VWA8: variants seen among roughly 807,000 people sequenced by gnomAD.
The protein encoded by VWA8 is von Willebrand factor A domain containing 8.
VWA8 carries 221 observed loss-of-function variants against 241.5 expected under a neutral mutation model. The ratio of observed to expected loss-of-function variants is 0.91; its 90% CI spans 0.82 to 1.02. The LOEUF is 1.02. Ranked by LOEUF, VWA8 falls within the 50% of genes least tolerant of loss-of-function variation. The pLI, the probability that VWA8 is intolerant of heterozygous loss-of-function variation, is 0.00. For missense variants in VWA8, 2,322 were observed against 2,328.7 expected (o/e 1.00, Z 0.06); for synonymous variants, 852 against 827.1 (o/e 1.03, Z -0.52).
Position 41,777,968 on chromosome 13 carries a change from T to C in VWA8, c.2349+17A>G. On this transcript the variant is annotated intron_variant, in intron 20 of 44. Coordinates refer to ENST00000379310, the MANE Select transcript of VWA8 (RefSeq NM_015058.2). The stretch of plus-strand genomic sequence containing the variant: ...TATCATTTTTTCATTGGTACCTAGA[T>C]TTTAGCCATAACTCACCTGGTTGCC... 6.3e-7 allele frequency: 1 copy of C among 1,595,034 alleles called. No homozygotes were observed. The highest frequency in any genetic ancestry group is 8.5e-7 in the Non-Finnish European group (1 of 1,171,982).
chr13:41,715,043 C>CTG (rs2045339754), intron 26 of VWA8, among the ~76,000 whole-genome samples: 1 of 151,900 alleles, frequency 6.6e-6, no homozygotes. Context: ...AGCTGTACCC[C>CTG]TGCTTTCTAA....
intron 12 of VWA8, among the ~76,000 whole-genome samples, chr13:41,858,591 G>A (rs1210173801): frequency 6.6e-6 from 1 of 151,788 alleles, no homozygotes; most frequent in Admixed American, 6.6e-5. Flanking sequence ...GGGCAACAGA[G>A]TGAGAGTGAG....
chr13:41,884,021 G>A (rs1444703381), intron 8 of VWA8, among the ~76,000 whole-genome samples: 2 of 152,134 alleles, frequency 1.3e-5, no homozygotes, highest in Non-Finnish European at 2.9e-5. Context: ...AAAGTCTGTT[G>A]ACAAGAAAGA....
chr13:41,596,916 G>A (rs577303526), intron 40 of VWA8, among the ~76,000 whole-genome samples: 1 of 151,702 alleles, frequency 6.6e-6, no homozygotes, highest in East Asian at 1.9e-4. Flanking sequence ...TATGATTTCA[G>A]CACTGAAATC....
In VWA8 at chr13:41,881,978, C is replaced by T. The variant is rs1456148660; in HGVS notation, c.1080+1409G>A. ...CCTCACTTCCCAGACAGGGTGACTG[C>T]CGGGACGGAGGGGCTCCTCACTTCT... is the stretch of plus-strand genomic sequence containing the variant. On this transcript the variant is annotated intron_variant, in intron 9 of 44. Coordinates refer to ENST00000379310, the MANE Select transcript of VWA8 (RefSeq NM_015058.2). 6.6e-5 allele frequency among the ~76,000 whole-genome samples: 10 copies of T among 150,986 alleles called. No homozygotes were observed. In the East Asian group the frequency reaches 1.6e-3, roughly 24 times the overall value.
rs200540728 is a variant in VWA8 at position 41,912,079 on chromosome 13, G to T, written c.331C>A (p.Pro111Thr). 1.2e-6 allele frequency: 2 copies of T among 1,608,322 alleles called. No individual in the cohort carries two copies. The highest frequency in any genetic ancestry group is 1.7e-5 in the Admixed American group (1 of 59,938). ...LLGQDVFLIG[P>T]PGPLRRSIAM... ...ATAGAGCGTCGAAGAGGCCCAGGAG[G>T]TCCTATTAGAAAAACATCTTGCCCC... is the stretch of plus-strand genomic sequence containing the variant. The change falls in exon 3 of 45, where the codon CCT (proline) becomes ACT (threonine). Residue 111 changes from proline to threonine, a missense_variant. Physicochemically the swap from Pro to Thr is conservative, Grantham distance 38. Transcript: ENST00000379310.
At chr13:41,615,693 A>G (rs773255363) in intron 37 of VWA8, among the ~76,000 whole-genome samples, 10 of 152,168 alleles carry the variant, frequency 6.6e-5, no homozygotes, top group Non-Finnish European at 1.5e-5. Flanking sequence ...ATTCATCTTT[A>G]TTGTAAAACT....
At position 41,625,590 on chromosome 13, in the gene VWA8, G is replaced by T. The variant is rs866083557; in HGVS notation, c.4612-10506C>A. On this transcript the variant is annotated intron_variant, in intron 37 of 44. Transcript: ENST00000379310. ...TAAAAAGTCAGGAAACAACAGGTGC[G>T]GGAGAGGATGTGGAGAAATAGGAAC... Among the ~76,000 whole-genome samples, 815 of 152,140 alleles carry T rather than the reference G, an allele frequency of 5.4e-3. 4 individuals are homozygous for T. Among genetic ancestry groups the T allele is most frequent in the African/African-American group, 0.017 (700 of 41,518 alleles).
intron 19 of VWA8, among the ~76,000 whole-genome samples, chr13:41,780,193 A>T (rs1444420587): frequency 6.6e-6 from 1 of 152,104 alleles, no homozygotes; most frequent in South Asian, 2.1e-4. Context: ...TTGGATACCC[A>T]CATGTCAGCA....
At chr13:41,637,140 C>T (rs1329943175) in intron 37 of VWA8, among the ~76,000 whole-genome samples, 1 of 151,478 alleles carries the variant, frequency 6.6e-6, no homozygotes, top group Non-Finnish European at 1.5e-5. Flanking sequence ...GCACTATTCA[C>T]AATAGCAGAC....
intron 12 of VWA8, among the ~76,000 whole-genome samples, chr13:41,850,206 G>A (rs1237206168): frequency 2.6e-5 from 4 of 152,076 alleles, no homozygotes; most frequent in African/African-American, 9.7e-5. Context: ...ATGCCCAAAG[G>A]CCTCCTAGTG....
chr13:41,900,400 A>G (rs1264259006), intron 4 of VWA8, among the ~76,000 whole-genome samples: 4 of 152,184 alleles, frequency 2.6e-5, no homozygotes, highest in African/African-American at 9.7e-5. Context: ...CCAGAGACCT[A>G]ATTTTCTCAA....
chr13:41,574,301 T>C (rs2044337037), intron 43 of VWA8, among the ~76,000 whole-genome samples: 1 of 151,832 alleles, frequency 6.6e-6, no homozygotes, highest in African/African-American at 2.4e-5. Context: ...GAGAATCAAA[T>C]CAAGAACTCA....
intron 35 of VWA8, among the ~76,000 whole-genome samples, chr13:41,682,896 C>T (rs1420613306): frequency 4.6e-5 from 7 of 152,050 alleles, no homozygotes; most frequent in African/African-American, 1.7e-4. Context: ...AGGGAAAACG[C>T]AAATTAAAAT....
chr13:41,886,401 A>C (rs980652364), intron 7 of VWA8, among the ~76,000 whole-genome samples: 12 of 152,246 alleles, frequency 7.9e-5, no homozygotes, highest in African/African-American at 2.9e-4. Flanking sequence ...ACAAAACAAA[A>C]AAAAAACACT....
intron 15 of VWA8, among the ~76,000 whole-genome samples, chr13:41,817,447 TAAAAGATCA>T (rs1380249831): frequency 6.6e-6 from 1 of 152,172 alleles, no homozygotes; most frequent in East Asian, 1.9e-4. Flanking sequence ...GTTTTAATTT[TAAAAGATCA>T]AAAAAAGATA....
At chr13:41,921,237 G>C (rs1163008311) in intron 2 of VWA8, among the ~76,000 whole-genome samples, 1 of 152,072 alleles carries the variant, frequency 6.6e-6, no homozygotes, top group Non-Finnish European at 1.5e-5. Flanking sequence ...AAATTCAACA[G>C]CCCTTCATGC....
chr13:41,770,142 G>A (rs1216016991), intron 20 of VWA8, among the ~76,000 whole-genome samples: 1 of 152,068 alleles, frequency 6.6e-6, no homozygotes, highest in Non-Finnish European at 1.5e-5. Flanking sequence ...TTGCACTCAG[G>A]AAGTGTAAGA....
chr13:41,803,621 C>G (rs1870057949), intron 17 of VWA8, among the ~76,000 whole-genome samples: 1 of 152,112 alleles, frequency 6.6e-6, no homozygotes, highest in South Asian at 2.1e-4. Flanking sequence ...GAAAGATCCG[C>G]CCCCGTGATT....
Sources: allele counts gnomAD v4.1 joint callset (sites outside exome capture counted in the v4.1 genomes callset), GRCh38; gene constraint gnomAD v4.1.1; transcripts MANE v1.5; gene names NCBI Gene and HGNC (gene_info 2026-07-23, HGNC 2026-07-21).